The following PRKD1 variants were observed in gnomAD, a reference collection of about 807,000 sequenced individuals.
The protein encoded by PRKD1 is serine/threonine-protein kinase D1.
A neutral mutation model predicts 95.9 loss-of-function variants in PRKD1; 63 were observed. The ratio of observed to expected loss-of-function variants is 0.66; its 90% CI spans 0.54 to 0.81. PRKD1 has a LOEUF of 0.81. Ranked by LOEUF, PRKD1 falls within the 30% of genes least tolerant of loss-of-function variation. The probability of loss-of-function intolerance (pLI) is 0.00; values close to 1 mark genes in which losing one functional copy is unlikely to be tolerated. For synonymous variants in PRKD1, 425 were observed against 423.1 expected (o/e 1.00, Z -0.05); for missense variants, 1,048 against 1,165.3 (o/e 0.90, Z 1.47).
intron 1 of PRKD1, among the ~76,000 whole-genome samples, chr14:29,853,582 C>T (rs766461093): frequency 7.9e-5 from 12 of 152,166 alleles, no homozygotes; most frequent in South Asian, 2.1e-4. Context: ...ATTCCTACAC[C>T]GAAGGTCTTT....
chr14:29,896,692 T>G (rs1894138674), intron 1 of PRKD1, among the ~76,000 whole-genome samples: 1 of 149,568 alleles, frequency 6.7e-6, no homozygotes, highest in African/African-American at 2.5e-5. Flanking sequence ...CTTCAAGATG[T>G]TACAATTTAT....
At chr14:29,896,428 T>C (rs954244402) in intron 1 of PRKD1, among the ~76,000 whole-genome samples, 3 of 152,040 alleles carry the variant, frequency 2.0e-5, no homozygotes, top group Non-Finnish European at 4.4e-5. Context: ...TATTTTTCCT[T>C]TGAACAGGTA....
At chr14:29,908,791 C>G (rs566885996) in intron 1 of PRKD1, among the ~76,000 whole-genome samples, 1 of 152,096 alleles carries the variant, frequency 6.6e-6, no homozygotes, top group Non-Finnish European at 1.5e-5. Flanking sequence ...CGAGTAAGAA[C>G]AATGGTCTTA....
At chr14:29,662,567 A>AAG (rs1244710727) in intron 4 of PRKD1, among the ~76,000 whole-genome samples, 1 of 152,100 alleles carries the variant, frequency 6.6e-6, no homozygotes, top group Non-Finnish European at 1.5e-5. Context: ...AAACCCCTAA[A>AAG]AGAGAGCCTT....
chr14:29,801,209 T>G (rs1320769065), intron 1 of PRKD1, among the ~76,000 whole-genome samples: 1 of 152,178 alleles, frequency 6.6e-6, no homozygotes, highest in Non-Finnish European at 1.5e-5. Context: ...AAACTTCTTT[T>G]CAGTTTTTGT....
chr14:29,634,443 A>ACCAT lies in PRKD1; in HGVS notation c.1285_1288dup (p.Val430AspfsTer20). ...CAGCGTGTCCTTGCTGGTGTAGTGG[A>ACCAT]CCATCCATCCTTCTTTCATGACTGT... is the stretch of plus-strand genomic sequence containing the variant. On this transcript the variant is annotated frameshift_variant, in exon 8 of 18. Coordinates refer to ENST00000331968, the MANE Select transcript of PRKD1 (RefSeq NM_002742.3). LOFTEE classifies it high-confidence loss of function. 1 of 1,613,976 alleles carries ACCAT rather than the reference A, an allele frequency of 6.2e-7. No homozygotes were observed. The highest frequency in any genetic ancestry group is 8.5e-7 in the Non-Finnish European group (1 of 1,179,930).
intron 1 of PRKD1, among the ~76,000 whole-genome samples, chr14:29,867,106 C>A (rs1225406124): frequency 6.6e-6 from 1 of 152,166 alleles, no homozygotes; most frequent in African/African-American, 2.4e-5. Flanking sequence ...TCCCACTATA[C>A]CTGCTCCTCA....
At chr14:29,925,818 C>T (rs1895275257) in intron 1 of PRKD1, among the ~76,000 whole-genome samples, 1 of 152,174 alleles carries the variant, frequency 6.6e-6, no homozygotes, top group South Asian at 2.1e-4. Context: ...TGTATACGTG[C>T]TTATGAAGCA....
intron 8 of PRKD1, 65 bp downstream of exon 8, chr14:29,634,348 CACGGG>C: frequency 6.2e-7 from 1 of 1,608,812 alleles, no homozygotes; most frequent in Non-Finnish European, 8.5e-7. Flanking sequence ...TCACAGTCCT[CACGGG>C]ACATTAGCAA....
intron 4 of PRKD1, among the ~76,000 whole-genome samples, chr14:29,663,144 C>A (rs1882280055): frequency 1.2e-5 from 1 of 86,536 alleles, no homozygotes; most frequent in African/African-American, 6.0e-5. Flanking sequence ...AGTTAATATT[C>A]TTCCATATAT....
At chr14:29,853,400 A>G (rs1389703766) in intron 1 of PRKD1, among the ~76,000 whole-genome samples, 2 of 152,210 alleles carry the variant, frequency 1.3e-5, no homozygotes, top group African/African-American at 4.8e-5. Context: ...AGGAAACTAA[A>G]GCCCACAAAA....
chr14:29,920,980 A>G (rs571940587), intron 1 of PRKD1, among the ~76,000 whole-genome samples: 7 of 152,328 alleles, frequency 4.6e-5, no homozygotes, highest in African/African-American at 1.7e-4. Context: ...TCATGTATCA[A>G]GCGATGATCT....
intron 16 of PRKD1, among the ~76,000 whole-genome samples, chr14:29,590,936 G>A (rs1309111530): frequency 2.6e-5 from 4 of 152,016 alleles, no homozygotes; most frequent in African/African-American, 4.8e-5. Context: ...GCACCACTAC[G>A]CCTGGCTAAT....
intron 17 of PRKD1, among the ~76,000 whole-genome samples, chr14:29,577,823 T>C (rs956747861): frequency 2.0e-5 from 3 of 152,184 alleles, no homozygotes; most frequent in African/African-American, 7.2e-5. Context: ...AGCACATCCA[T>C]ATACTTTGTA....
At chr14:29,873,144 G>C (rs939690972) in intron 1 of PRKD1, among the ~76,000 whole-genome samples, 1 of 152,108 alleles carries the variant, frequency 6.6e-6, no homozygotes, top group African/African-American at 2.4e-5. Flanking sequence ...GGAGTATAAT[G>C]GCAAGATCGC....
intron 1 of PRKD1, among the ~76,000 whole-genome samples, chr14:29,813,436 A>G (rs1341592208): frequency 6.6e-6 from 1 of 152,196 alleles, no homozygotes; most frequent in African/African-American, 2.4e-5. Flanking sequence ...GAAAATCTGA[A>G]TTCTTCAGGC....
intron 2 of PRKD1, among the ~76,000 whole-genome samples, chr14:29,724,760 G>A (rs182272033): frequency 1.7e-3 from 260 of 152,260 alleles, no homozygotes; most frequent in African/African-American, 6.0e-3. Context: ...GGAGAAAAGA[G>A]CAAGGCAATC....
chr14:29,775,715 G>T (rs1888713387), intron 1 of PRKD1, among the ~76,000 whole-genome samples: 1 of 152,088 alleles, frequency 6.6e-6, no homozygotes, highest in Non-Finnish European at 1.5e-5. Flanking sequence ...CTCCATCTCT[G>T]GGGGCAGGGC....
chr14:29,794,690 C>T (rs1889731075), intron 1 of PRKD1, among the ~76,000 whole-genome samples: 1 of 152,046 alleles, frequency 6.6e-6, no homozygotes, highest in African/African-American at 2.4e-5. Context: ...CTTCCCTCCC[C>T]TCTTATAATC....
Sources: allele counts gnomAD v4.1 joint callset (sites outside exome capture counted in the v4.1 genomes callset), GRCh38; gene constraint gnomAD v4.1.1; transcripts MANE v1.5; gene names NCBI Gene and HGNC (gene_info 2026-07-23, HGNC 2026-07-21).